NOSTRIN: variants seen among roughly 807,000 people sequenced by gnomAD.
NOSTRIN encodes the protein nitric oxide synthase trafficking.
Under a neutral mutation model 59.0 loss-of-function variants are expected in NOSTRIN, and 63 were observed. That is an observed-to-expected ratio of 1.07 (90% CI 0.87 to 1.32). The LOEUF (loss-of-function observed/expected upper bound fraction) is 1.32, where lower values mean the gene tolerates loss of function less well. Ranked by LOEUF, NOSTRIN falls within the 40% of genes most tolerant of loss-of-function variation. NOSTRIN has a pLI of 0.00. For synonymous variants in NOSTRIN, 200 were observed against 165.4 expected (o/e 1.21, Z -1.61); for missense variants, 512 against 473.1 (o/e 1.08, Z -0.76).
intron 6 of NOSTRIN, among the ~76,000 whole-genome samples, chr2:168,833,818 A>G (rs574519572): frequency 3.9e-5 from 1 of 25,652 alleles, no homozygotes; most frequent in South Asian, 1.9e-3. Flanking sequence ...AACAATCTCA[A>G]ATCGTGGCCT....
intron 1 of NOSTRIN, among the ~76,000 whole-genome samples, chr2:168,787,230 C>G (rs895567233): frequency 6.6e-6 from 1 of 152,070 alleles, no homozygotes; most frequent in Non-Finnish European, 1.5e-5. Context: ...AGTGAGGCAG[C>G]CTCCACCCCA....
At chr2:168,797,072 CTTTTTTCTTTTTTTTTTTTT>C (rs1685498580), upstream of NOSTRIN, among the ~76,000 whole-genome samples, 1 of 85,360 alleles carries the variant, frequency 1.2e-5, no homozygotes, top group African/African-American at 4.0e-5. Flanking sequence ...CTTTCTTTTT[CTTTTTTCTTTTTTTTTTTTT>C]TTTTTTTTTG....
chr2:168,835,914 C>T (rs1040879359), intron 7 of NOSTRIN, among the ~76,000 whole-genome samples: 1 of 152,108 alleles, frequency 6.6e-6, no homozygotes, highest in Non-Finnish European at 1.5e-5. Flanking sequence ...TATCTTGCAC[C>T]CCTCTTGTGG....
At chr2:168,788,334 T>A (rs1325679255) in intron 2 of NOSTRIN, among the ~76,000 whole-genome samples, 1 of 152,034 alleles carries the variant, frequency 6.6e-6, no homozygotes, top group Admixed American at 6.6e-5. Flanking sequence ...AACTGTTCAG[T>A]CCCTAAACCT....
chr2:168,855,295 G>A (rs770250235), intron 10 of NOSTRIN, 57 bp from the exon 11 acceptor site: 74 of 858,958 alleles, frequency 8.6e-5, no homozygotes, highest in Non-Finnish European at 1.2e-4. Context: ...AGAATGGACA[G>A]GGAATAGCAA....
chr2:168,845,259 C>T (rs967940109), intron 8 of NOSTRIN, among the ~76,000 whole-genome samples: 1 of 152,218 alleles, frequency 6.6e-6, no homozygotes, highest in Non-Finnish European at 1.5e-5. Flanking sequence ...CTCACCTCAC[C>T]TCATCACTTC....
Position 168,859,550 on chromosome 2 carries a change from C to T in NOSTRIN, c.1092C>T (p.Tyr364=), listed in dbSNP as rs1559143216. 1.9e-6 allele frequency: 3 copies of T among 1,613,994 alleles called. No individual in the cohort carries two copies. The highest frequency in any genetic ancestry group is 1.1e-5 in the South Asian group (1 of 91,088). Residue 364 remains tyrosine, a synonymous_variant, in exon 13 of 16, where the codon TAC becomes TAT. Coordinates refer to ENST00000317647, the MANE Select transcript of NOSTRIN (RefSeq NM_001039724.4). Reference sequence around the variant, plus strand: ...TAGACCTTTTGGAAGCGAACTCCTACAAACTGTCATCAATGTTAGCAGAAC... The same window carrying T: ...TAGACCTTTTGGAAGCGAACTCCTATAAACTGTCATCAATGTTAGCAGAAC... ...LKLDLLEANS[Y]KLSSMLAELE...
At chr2:168,815,193 AC>A (rs1365485011) in intron 2 of NOSTRIN, among the ~76,000 whole-genome samples, 1 of 152,206 alleles carries the variant, frequency 6.6e-6, no homozygotes, top group Non-Finnish European at 1.5e-5. Context: ...TACAGTTGTT[AC>A]TAAAACACTC....
chr2:168,841,560 T>C (rs1277040258), intron 7 of NOSTRIN, among the ~76,000 whole-genome samples: 1 of 152,198 alleles, frequency 6.6e-6, no homozygotes, highest in African/African-American at 2.4e-5. Flanking sequence ...TGTCCATAAC[T>C]TGCAGTGAAC....
chr2:168,809,653 G>T (rs1012100645), intron 1 of NOSTRIN, among the ~76,000 whole-genome samples: 34 of 151,044 alleles, frequency 2.3e-4, no homozygotes, highest in African/African-American at 7.8e-4. Context: ...TTCCCAGTGT[G>T]CTGTAAGGGT....
chr2:168,791,971 G>A (rs1012463984), intron 2 of NOSTRIN, among the ~76,000 whole-genome samples: 5 of 152,098 alleles, frequency 3.3e-5, no homozygotes, highest in Admixed American at 3.3e-4. Context: ...TTGCTGTGCA[G>A]AAGCTCTTGA....
Position 168,828,462 on chromosome 2 carries a change from T to C in NOSTRIN, c.303T>C (p.Thr101=). The C allele has an allele frequency of 1.1e-6, 1 of 872,270 alleles. No homozygotes were observed. The highest frequency in any genetic ancestry group is 2.0e-6 in the Non-Finnish European group (1 of 501,542). The allele number at this position is 872,270 out of a possible 1,614,324, so 54.0% of individuals were successfully genotyped here. Residue 101 remains threonine, a synonymous_variant, in exon 5 of 16, where the codon ACT becomes ACC. Transcript: ENST00000317647. Reference sequence around the variant, plus strand: ...TTGAATTGGAAGCAATAAAACCGACTTATCAAGTCCTAAATGTACAAGAGA... The same window carrying C: ...TTGAATTGGAAGCAATAAAACCGACCTATCAAGTCCTAAATGTACAAGAGA... The part of the protein sequence containing the change: ...KAIELEAIKP[T]YQVLNVQEKK...
At chr2:168,833,297 G>A (rs1441413821) in intron 6 of NOSTRIN, among the ~76,000 whole-genome samples, 1 of 152,144 alleles carries the variant, frequency 6.6e-6, no homozygotes, top group Non-Finnish European at 1.5e-5. Flanking sequence ...TGTGGCTGAC[G>A]GGAGGTGGAG....
Position 168,847,170 on chromosome 2 carries a change from G to GT in NOSTRIN, c.631-3913dup, listed in dbSNP as rs1236940000. ...GGAAACTGTTCACATGTACGGTTAA[G>GT]TGGAAAAAACAGAATTTCAAATTTG... is the stretch of plus-strand genomic sequence containing the variant. On this transcript the variant is annotated intron_variant, in intron 8 of 15. Coordinates refer to ENST00000317647, the MANE Select transcript of NOSTRIN (RefSeq NM_001039724.4). 3.9e-5 allele frequency among the ~76,000 whole-genome samples: 6 copies of GT among 152,274 alleles called. No homozygotes were observed. The East Asian group carries it at 9.6e-4, about 24-fold the overall frequency.
Position 168,865,259 on chromosome 2 carries a change from G to T in NOSTRIN, c.*289G>T, listed in dbSNP as rs1445231848. The T allele has an allele frequency of 7.1e-6, 2 of 283,534 alleles. No individual in the cohort carries two copies. Among genetic ancestry groups the T allele is most frequent in the Non-Finnish European group, 1.3e-5 (2 of 150,894 alleles). 17.6% of individuals were successfully genotyped at this position (283,534 alleles called of 1,614,324 possible). ...AACCCCTGGTGTCACAGAAACAGACGGAGTCCAAGGTGGGTTCAGCTGCTT... is the reference window on the plus strand; with the variant it reads ...AACCCCTGGTGTCACAGAAACAGACTGAGTCCAAGGTGGGTTCAGCTGCTT... On this transcript the variant is annotated 3_prime_UTR_variant, in exon 16 of 16. Transcript: ENST00000317647.
In NOSTRIN at chr2:168,834,507, G is replaced by GCGCGCGCACACA. The variant is rs756381301; in HGVS notation, c.504+183_504+184insGCGCGCACACAC. Among the ~76,000 whole-genome samples, 236 of 125,412 alleles carry GCGCGCGCACACA rather than the reference G, an allele frequency of 1.9e-3. 2 individuals are homozygous for GCGCGCGCACACA. The highest frequency in any genetic ancestry group is 9.1e-3 in the East Asian group (38 of 4,196). The allele number at this position is 125,412 out of a possible 152,430, so 82.3% of individuals were successfully genotyped here. Reference sequence around the variant, plus strand: ...TACTGGCGTGCGCGCGCGCGCGCGCGCACACACACACACACACACACACAC... The same window carrying GCGCGCGCACACA: ...TACTGGCGTGCGCGCGCGCGCGCGCGCGCGCGCACACACACACACACACACACACACACACAC... On this transcript the variant is annotated intron_variant, in intron 7 of 15. Coordinates refer to ENST00000317647, the MANE Select transcript of NOSTRIN (RefSeq NM_001039724.4).
chr2:168,786,573 C>T (rs1394701179), exon 1 of NOSTRIN: 1 of 152,136 alleles, frequency 6.6e-6, no homozygotes, highest in Non-Finnish European at 1.5e-5. Context: ...TGGTAGGGCA[C>T]TGGGCATGCA....
chr2:168,803,273 T>C (rs1685684959), intron 1 of NOSTRIN, among the ~76,000 whole-genome samples: 1 of 152,152 alleles, frequency 6.6e-6, no homozygotes, highest in African/African-American at 2.4e-5. Flanking sequence ...AAAGACATTG[T>C]GAGGTCTCCG....
At chr2:168,794,849 C>T (rs1315520844), upstream of NOSTRIN, among the ~76,000 whole-genome samples, 1 of 152,232 alleles carries the variant, frequency 6.6e-6, no homozygotes, top group Non-Finnish European at 1.5e-5. Flanking sequence ...CCTGCCTCAG[C>T]CTCCTGAGTA....
Sources: gnomAD v4.1 joint callset for allele counts (sites outside exome capture counted in the v4.1 genomes callset) on GRCh38, gnomAD v4.1.1 for gene constraint, MANE v1.5 for transcripts, NCBI Gene and HGNC (gene_info 2026-07-23, HGNC 2026-07-21) for gene names.